Variants in ADAM22 observed in about 807,000 individuals in gnomAD.
ADAM22 encodes disintegrin and metalloproteinase domain-containing protein 22.
In ADAM22, 65 loss-of-function variants were observed where a neutral mutation model predicts 144.6. The ratio of observed to expected loss-of-function variants is 0.45; its 90% CI spans 0.37 to 0.55. The LOEUF is 0.55. Among genes scored for constraint, ADAM22 ranks in the 20% least tolerant of loss-of-function variants. The pLI is 0.00. For missense variants in ADAM22, 974 were observed against 1,184.9 expected (o/e 0.82, Z 2.61); for synonymous variants, 391 against 412.6 (o/e 0.95, Z 0.63).
In ADAM22 at chr7:87,946,562, C is replaced by T. The variant is rs532606348; in HGVS notation, c.246+11376C>T. Among the ~76,000 whole-genome samples, 104 of 152,178 alleles carry T rather than the reference C, an allele frequency of 6.8e-4. 1 individual carries two copies. The highest frequency in any genetic ancestry group is 2.3e-3 in the African/African-American group (95 of 41,522). ...AGTTAGGGGTCCAGTTTCATTCTTC[C>T]GCATATAACTAGCCAGCTATCCCAG... On this transcript the variant is annotated intron_variant, in intron 2 of 31. Coordinates refer to ENST00000413139, the MANE Select transcript of ADAM22 (RefSeq NM_001324418.2).
At chr7:88,108,319 T>C in intron 5 of ADAM22, 61 bp downstream of exon 5, 1 of 1,328,486 alleles carries the variant, frequency 7.5e-7, no homozygotes, top group Non-Finnish European at 1.1e-6. Context: ...TTCTTTATTA[T>C]GAATGCACTA....
In ADAM22 at chr7:88,146,754, A is replaced by G. The variant is rs1020656436; in HGVS notation, c.1485+1247A>G. On this transcript the variant is annotated intron_variant, in intron 17 of 31. Transcript: ENST00000413139. ...AAATAACCTCTATACAGGCTCACTT[A>G]GCCAGTAAGGAATAGATGTACAGTT... Among the ~76,000 whole-genome samples, 10 of 152,196 alleles carry G rather than the reference A, an allele frequency of 6.6e-5. No individual in the cohort carries two copies. The South Asian group carries it at 1.4e-3, about 22-fold the overall frequency.
In ADAM22 at chr7:88,196,455, C is replaced by T. The variant is rs759330916; in HGVS notation, c.2875-16C>T. 3.7e-6 allele frequency: 6 copies of T among 1,614,046 alleles called. No homozygotes were observed. The South Asian group carries it at 4.4e-5, about 12-fold the overall frequency. Reference sequence around the variant, plus strand: ...TGCTTTCACAATGTGCAATTTTGCTCTTTTCTGTTGTGCAGCTATGGGAGA... The same window carrying T: ...TGCTTTCACAATGTGCAATTTTGCTTTTTTCTGTTGTGCAGCTATGGGAGA... On this transcript the variant is annotated splice_polypyrimidine_tract_variant and intron_variant, in intron 31 of 31. Transcript: ENST00000413139.
chr7:88,067,575 T>C (rs144561653), intron 3 of ADAM22, among the ~76,000 whole-genome samples: 2,115 of 152,266 alleles, frequency 0.014, 27 homozygotes, highest in Non-Finnish European at 0.022. Context: ...AGAATAAACG[T>C]AGAAGATTCT....
chr7:88,037,659 A>G lies in ADAM22; in HGVS notation c.324-37967A>G, dbSNP rs150572244. Among the ~76,000 whole-genome samples the G allele has an allele frequency of 1.4e-3, 216 of 151,590 alleles. 3 individuals are homozygous for G. The highest frequency in any genetic ancestry group is 1.8e-4 in the Non-Finnish European group (12 of 67,862). ...GAGCTTATTTCATAACTGTATCTGT[A>G]TGTTAACCTTTAAACCCTGCTGTGG... On this transcript the variant is annotated intron_variant, in intron 3 of 31. Transcript: ENST00000413139.
chr7:87,957,928 T>C (rs1339588717), intron 2 of ADAM22, among the ~76,000 whole-genome samples: 1 of 152,168 alleles, frequency 6.6e-6, no homozygotes, highest in African/African-American at 2.4e-5. Flanking sequence ...AACAATATAT[T>C]ACTGTTTTGT....
At chr7:87,950,828 A>G (rs1844879870) in intron 2 of ADAM22, among the ~76,000 whole-genome samples, 1 of 149,330 alleles carries the variant, frequency 6.7e-6, no homozygotes, top group Non-Finnish European at 1.5e-5. Context: ...AATGATTGCC[A>G]TTCTAACTGG....
At chr7:88,149,762 T>C (rs1837767438) in intron 18 of ADAM22, among the ~76,000 whole-genome samples, 1 of 152,164 alleles carries the variant, frequency 6.6e-6, no homozygotes, top group Middle Eastern at 3.2e-3. Context: ...TTTAAATGGA[T>C]AGGAAGGTGA....
Position 88,053,591 on chromosome 7 carries a change from GGAAAGAAAGAAAGAAAGAAA to G in ADAM22, c.324-21994_324-21975del, listed in dbSNP as rs1214968746. Among the ~76,000 whole-genome samples the G allele has an allele frequency of 4.6e-3, 521 of 113,402 alleles. 4 individuals carry two copies. Among genetic ancestry groups the G allele is most frequent in the African/African-American group, 0.013 (362 of 28,130 alleles). The allele number at this position is 113,402 out of a possible 152,430, so 74.4% of individuals were successfully genotyped here. ...AGGAAGGAGGAAAGGAAGGAAGGAA[GGAAAGAAAGAAAGAAAGAAA>G]GAAAGAAAGAAAGAAAGAAAGAAAG... On this transcript the variant is annotated intron_variant, in intron 3 of 31. Coordinates refer to ENST00000413139, the MANE Select transcript of ADAM22 (RefSeq NM_001324418.2).
At chr7:88,075,155 C>A (rs924794976) in intron 3 of ADAM22, among the ~76,000 whole-genome samples, 1 of 152,120 alleles carries the variant, frequency 6.6e-6, no homozygotes, top group African/African-American at 2.4e-5. Flanking sequence ...GGTATATATT[C>A]CATTTCATTT....
chr7:88,145,220 A>T (rs752060347), intron 16 of ADAM22, 24 bp downstream of exon 16: 1 of 1,612,034 alleles, frequency 6.2e-7, no homozygotes, highest in Non-Finnish European at 8.5e-7. Flanking sequence ...TGTTTTGATG[A>T]TATTTTCTAG....
At chr7:88,137,289 G>A (rs1833231697) in intron 14 of ADAM22, among the ~76,000 whole-genome samples, 1 of 152,148 alleles carries the variant, frequency 6.6e-6, no homozygotes, top group Non-Finnish European at 1.5e-5. Context: ...CTGAGAAATT[G>A]TGTGAGTCTC....
intron 3 of ADAM22, among the ~76,000 whole-genome samples, chr7:88,032,447 C>T (rs1340016206): frequency 3.9e-5 from 6 of 152,214 alleles, no homozygotes; most frequent in African/African-American, 1.4e-4. Flanking sequence ...TACCCAATGC[C>T]TATACCTCCA....
intron 2 of ADAM22, among the ~76,000 whole-genome samples, chr7:87,944,816 G>GTTTTTTTTTTTTTTTTTTTTTTT (rs11311070): frequency 7.9e-6 from 1 of 127,026 alleles, no homozygotes. Flanking sequence ...GGAAACTTGT[G>GTTTTTTTTTTTTTTTTTTTTTTT]TTTTTTTTTT....
At chr7:87,943,203 G>C (rs1842807935) in intron 2 of ADAM22, among the ~76,000 whole-genome samples, 1 of 150,032 alleles carries the variant, frequency 6.7e-6, no homozygotes, top group South Asian at 2.1e-4. Context: ...TCATGTACCA[G>C]GCATTGTATT....
At chr7:88,036,604 C>G (rs1188000733) in intron 3 of ADAM22, among the ~76,000 whole-genome samples, 1 of 152,010 alleles carries the variant, frequency 6.6e-6, no homozygotes, top group Non-Finnish European at 1.5e-5. Context: ...ATCTGTTTCC[C>G]CTTTGATATA....
intron 3 of ADAM22, among the ~76,000 whole-genome samples, chr7:88,023,004 TTA>T (rs2129467268): frequency 6.6e-6 from 1 of 152,358 alleles, no homozygotes; most frequent in Admixed American, 6.5e-5. Context: ...TTCATTACTT[TTA>T]CTTATTTCAC....
At chr7:88,081,241 A>G (rs1816514705) in intron 4 of ADAM22, among the ~76,000 whole-genome samples, 1 of 152,182 alleles carries the variant, frequency 6.6e-6, no homozygotes, top group Non-Finnish European at 1.5e-5. Flanking sequence ...GACAAAAACC[A>G]CATGATTATC....
At chr7:88,014,146 T>C (rs142404856) in intron 3 of ADAM22, among the ~76,000 whole-genome samples, 84 of 152,272 alleles carry the variant, frequency 5.5e-4, no homozygotes, top group African/African-American at 2.0e-3. Context: ...TAGTGGCATA[T>C]GTACCCATGA....
Sources: gnomAD v4.1 joint callset for allele counts (sites outside exome capture counted in the v4.1 genomes callset) on GRCh38, gnomAD v4.1.1 for gene constraint, MANE v1.5 for transcripts, NCBI Gene and HGNC (gene_info 2026-07-23, HGNC 2026-07-21) for gene names.